Variants in SNTG2 observed in about 807,000 individuals in gnomAD.
The protein encoded by SNTG2 is gamma-2-syntrophin.
In SNTG2, 74 loss-of-function variants were observed where a neutral mutation model predicts 70.9. That is an observed-to-expected ratio of 1.04 (90% CI 0.86 to 1.27). SNTG2 has a LOEUF of 1.27. Among genes scored for constraint, SNTG2 ranks in the 50% most tolerant of loss-of-function variants. SNTG2 has a pLI of 0.00. For missense variants in SNTG2, 717 were observed against 690.7 expected (o/e 1.04, Z -0.43); for synonymous variants, 278 against 273.8 (o/e 1.02, Z -0.15).
chr2:1,043,003 C>T (rs1279822283), intron 1 of SNTG2, among the ~76,000 whole-genome samples: 2 of 152,212 alleles, frequency 1.3e-5, no homozygotes, highest in African/African-American at 4.8e-5. Flanking sequence ...TGTACCTGTA[C>T]CCTTTCCTCT....
At chr2:1,262,951 T>G (rs13015473) in intron 13 of SNTG2, 46,535 of 152,260 alleles carry the variant, frequency 0.31, 8,028 homozygotes, top group African/African-American at 0.47. Context: ...ATCCACAAGG[T>G]CTGAGTGATT....
At chr2:1,186,876 A>G (rs1028380314) in intron 8 of SNTG2, among the ~76,000 whole-genome samples, 2 of 152,252 alleles carry the variant, frequency 1.3e-5, no homozygotes, top group African/African-American at 4.8e-5. Flanking sequence ...TGCAAAAATT[A>G]TAAATCAAGT....
At chr2:1,150,709 G>A (rs915986204) in intron 6 of SNTG2, among the ~76,000 whole-genome samples, 34 of 17,928 alleles carry the variant, frequency 1.9e-3, no homozygotes, top group African/African-American at 3.5e-3. Flanking sequence ...AGCAAATGTC[G>A]TGTTAGAGTA....
intron 12 of SNTG2, among the ~76,000 whole-genome samples, chr2:1,251,003 C>T (rs1389522115): frequency 6.6e-6 from 1 of 152,224 alleles, no homozygotes; most frequent in East Asian, 1.9e-4. Flanking sequence ...GACTTGGCAC[C>T]ATCTCCATTC....
In SNTG2 at chr2:1,247,434, C is replaced by T. The variant is rs1391731115; in HGVS notation, c.996C>T (p.Ser332=). 2.5e-6 allele frequency: 4 copies of T among 1,611,296 alleles called. No individual in the cohort carries two copies. In the African/African-American group the frequency reaches 5.3e-5, roughly 22 times the overall value. The change falls in exon 12 of 17, where the codon AGC becomes AGT. Residue 332 remains serine (S), a synonymous_variant. Coordinates refer to ENST00000308624, the MANE Select transcript of SNTG2 (RefSeq NM_018968.4). The part of the protein sequence containing the change: ...ALKGPSFYVF[S]TPPVSTFDWV... Reference sequence around the variant, plus strand: ...AGGGCCCGTCCTTCTACGTTTTCAGCACTCCTCCGGTAAGGATGCTTTTGA... The same window carrying T: ...AGGGCCCGTCCTTCTACGTTTTCAGTACTCCTCCGGTAAGGATGCTTTTGA...
intron 13 of SNTG2, among the ~76,000 whole-genome samples, chr2:1,266,677 G>A (rs1215075445): frequency 6.6e-6 from 1 of 151,444 alleles, no homozygotes; most frequent in Non-Finnish European, 1.5e-5. Flanking sequence ...TAGTTAGAGT[G>A]GTGGTGGTAT....
chr2:1,361,918 C>T lies in SNTG2; in HGVS notation c.1489-5425C>T, dbSNP rs112123823. Reference sequence around the variant, plus strand: ...GTAGAACTTCCATGAAGGTCACCAACGCTGAGCATTTCAGTAGAACTTCCA... The same window carrying T: ...GTAGAACTTCCATGAAGGTCACCAATGCTGAGCATTTCAGTAGAACTTCCA... On this transcript the variant is annotated intron_variant, in intron 16 of 16. Coordinates refer to ENST00000308624, the MANE Select transcript of SNTG2 (RefSeq NM_018968.4). Among the ~76,000 whole-genome samples the T allele has an allele frequency of 2.1e-4, 7 of 33,332 alleles. No individual in the cohort carries two copies. In the South Asian group the frequency reaches 6.4e-3, roughly 31 times the overall value. 21.9% of individuals were successfully genotyped at this position (33,332 alleles called of 152,430 possible). A position where few individuals can be genotyped will look rare whatever the true frequency, so the allele number is the denominator to read the frequency against.
chr2:1,350,738 CA>C (rs1286084593), intron 16 of SNTG2, among the ~76,000 whole-genome samples: 1 of 150,862 alleles, frequency 6.6e-6, no homozygotes, highest in African/African-American at 2.4e-5. Flanking sequence ...AACATGCTTC[CA>C]AAAAAAGATA....
In SNTG2 at chr2:965,555, G is replaced by A. The variant is rs568393307; in HGVS notation, c.72+14487G>A. ...CTCGGTCCTCCTCCTTGACCCCCTG[G>A]TCCTCTTCTGTGGTCCCCTCCTCCT... is the stretch of plus-strand genomic sequence containing the variant. On this transcript the variant is annotated intron_variant, in intron 1 of 16. Transcript: ENST00000308624. 6.1e-5 allele frequency among the ~76,000 whole-genome samples: 9 copies of A among 148,720 alleles called. No individual in the cohort carries two copies. The South Asian group carries it at 1.1e-3, about 18-fold the overall frequency.
rs1674839134 is a variant in SNTG2, at chr2:1,221,477, C to CTG, written c.719+12248_719+12249insGT. On this transcript the variant is annotated intron_variant, in intron 9 of 16. Coordinates refer to ENST00000308624, the MANE Select transcript of SNTG2 (RefSeq NM_018968.4). ...TCTCTCTGTCTCTGTCTCTCTGTCT[C>CTG]TCTCTCTCTCTGTCTCTCTCTGTCT... Among the ~76,000 whole-genome samples the CTG allele has an allele frequency of 2.2e-3, 76 of 35,280 alleles. 9 individuals are homozygous for CTG. Among genetic ancestry groups the CTG allele is most frequent in the East Asian group, 5.8e-3 (4 of 684 alleles). 23.1% of individuals were successfully genotyped at this position (35,280 alleles called of 152,430 possible).
chr2:1,155,930 C>T (rs1422331044), intron 6 of SNTG2, among the ~76,000 whole-genome samples: 1 of 152,098 alleles, frequency 6.6e-6, no homozygotes, highest in African/African-American at 2.4e-5. Flanking sequence ...CCCCAGCGTT[C>T]AGAGCTCAGG....
chr2:1,266,286 C>T (rs1678727481), intron 13 of SNTG2, among the ~76,000 whole-genome samples: 1 of 152,142 alleles, frequency 6.6e-6, no homozygotes, highest in African/African-American at 2.4e-5. Context: ...AACTGGGACC[C>T]CCAGTCTTTC....
chr2:1,235,164 AGG>A (rs1195428805), intron 9 of SNTG2, among the ~76,000 whole-genome samples: 1 of 146,658 alleles, frequency 6.8e-6, no homozygotes, highest in African/African-American at 2.6e-5. Context: ...GATTCATGAG[AGG>A]GGGCGCCCCT....
intron 4 of SNTG2, among the ~76,000 whole-genome samples, chr2:1,109,099 C>A (rs1666264190): frequency 6.6e-6 from 1 of 152,062 alleles, no homozygotes; most frequent in Non-Finnish European, 1.5e-5. Context: ...CGCACGCTGT[C>A]ACTGGGGCGC....
At chr2:1,244,170 T>C (rs1002801184) in intron 11 of SNTG2, among the ~76,000 whole-genome samples, 7 of 152,328 alleles carry the variant, frequency 4.6e-5, no homozygotes, top group African/African-American at 1.2e-4. Flanking sequence ...GAATTTCTCA[T>C]CAGAACTAGT....
chr2:1,153,824 C>T (rs530579006), intron 6 of SNTG2, among the ~76,000 whole-genome samples: 5 of 152,276 alleles, frequency 3.3e-5, no homozygotes, highest in African/African-American at 1.2e-4. Flanking sequence ...TAACTTCGAA[C>T]AAAAATCAAA....
At chr2:1,177,022 C>G (rs1293180672) in intron 8 of SNTG2, among the ~76,000 whole-genome samples, 1 of 152,172 alleles carries the variant, frequency 6.6e-6, no homozygotes, top group Non-Finnish European at 1.5e-5. Flanking sequence ...TACAATAATA[C>G]ATGCATGTGT....
intron 8 of SNTG2, among the ~76,000 whole-genome samples, chr2:1,195,963 G>T (rs28540563): frequency 0.24 from 35,785 of 151,926 alleles, 4,924 homozygotes; most frequent in East Asian, 0.44. Context: ...AGCATACCAT[G>T]AAGAAGTTAA....
intron 1 of SNTG2, among the ~76,000 whole-genome samples, chr2:1,022,097 A>G (rs1244576259): frequency 2.6e-5 from 4 of 152,072 alleles, no homozygotes; most frequent in South Asian, 2.1e-4. Context: ...GGTTCCTCAT[A>G]AAGTTATGAA....
Sources: allele counts gnomAD v4.1 joint callset (sites outside exome capture counted in the v4.1 genomes callset), GRCh38; gene constraint gnomAD v4.1.1; transcripts MANE v1.5; gene names NCBI Gene and HGNC (gene_info 2026-07-23, HGNC 2026-07-21).